Variants in SLC25A16 observed in about 807,000 individuals in gnomAD.
SLC25A16 encodes the protein solute carrier family 25 member 16.
In SLC25A16, 39 loss-of-function variants were observed where a neutral mutation model predicts 41.5. The ratio of observed to expected loss-of-function variants is 0.94; its 90% confidence interval spans 0.73 to 1.23. The LOEUF (loss-of-function observed/expected upper bound fraction) is 1.23, where lower values mean the gene tolerates loss of function less well. SLC25A16 is among the 50% of genes most tolerant of loss of function. The pLI is 0.00. For synonymous variants in SLC25A16, 146 were observed against 147.8 expected, an observed-to-expected ratio of 0.99 and a Z score of 0.09; for missense variants, 421 against 426.9, an observed-to-expected ratio of 0.99 and a Z score of 0.12.
intron 1 of SLC25A16, among the ~76,000 whole-genome samples, chr10:68,519,923 AAGAG>A (rs918499819): frequency 1.3e-5 from 2 of 152,006 alleles, no homozygotes; most frequent in Middle Eastern, 3.2e-3. Flanking sequence ...CTCAAAAAAA[AAGAG>A]AGAAATTGTT....
intron 1 of SLC25A16, chr10:68,517,152 T>C: frequency 9.7e-7 from 1 of 1,032,186 alleles, no homozygotes; most frequent in African/African-American, 1.7e-5. Flanking sequence ...TTAATCCAAC[T>C]GCCAGGTTCT....
intron 3 of SLC25A16, among the ~76,000 whole-genome samples, chr10:68,504,666 C>T (rs1043129652): frequency 4.0e-5 from 6 of 151,272 alleles, no homozygotes; most frequent in African/African-American, 1.5e-4. Flanking sequence ...GCATGAGCCA[C>T]CGCACCCGGC....
chr10:68,518,790 T>TA (rs200157704), intron 1 of SLC25A16, among the ~76,000 whole-genome samples: 38 of 135,622 alleles, frequency 2.8e-4, no homozygotes, highest in African/African-American at 1.2e-3. Context: ...ACAAATAAAA[T>TA]AAATAAATAA....
rs1195657743 is a variant in SLC25A16 at position 68,481,746 on chromosome 10, T to C, written c.*1686A>G. 1 of 152,222 alleles carries C rather than the reference T, an allele frequency of 6.6e-6. No homozygotes were observed. Among genetic ancestry groups the C allele is most frequent in the East Asian group, 1.9e-4 (1 of 5,170 alleles). The allele number at this position is 152,222 out of a possible 1,614,324, so 9.4% of individuals were successfully genotyped here. On this transcript the variant is annotated 3_prime_UTR_variant, in exon 9 of 9. Coordinates refer to ENST00000609923, the MANE Select transcript of SLC25A16 (RefSeq NM_152707.4). The stretch of plus-strand genomic sequence containing the variant: ...CTCATGTCTCAGCCTCGCGAGTAAC[T>C]GGGACTACAGGCACGAGCCACCACA...
chr10:68,494,853 CG>C (rs1167524228), intron 4 of SLC25A16, among the ~76,000 whole-genome samples: 2 of 146,772 alleles, frequency 1.4e-5, no homozygotes, highest in Non-Finnish European at 3.0e-5. Flanking sequence ...CACTCCAGCC[CG>C]GGCGACAAGA....
rs963281571 is a variant in SLC25A16, at chr10:68,527,226, T to A, written c.130+20A>T. ...CCCCGCCACTCAGAGCGCGGCTGGC[T>A]CTTCGTGGCATGGACCCACCTCCGG... On this transcript the variant is annotated intron_variant, in intron 1 of 8. Coordinates refer to ENST00000609923, the MANE Select transcript of SLC25A16 (RefSeq NM_152707.4). 6.5e-7 allele frequency: 1 copy of A among 1,544,850 alleles called. No homozygotes were observed. Among genetic ancestry groups the A allele is most frequent in the African/African-American group, 1.4e-5 (1 of 71,814 alleles).
intron 6 of SLC25A16, among the ~76,000 whole-genome samples, chr10:68,490,960 G>C (rs953757611): frequency 3.3e-5 from 5 of 151,870 alleles, no homozygotes; most frequent in Admixed American, 1.3e-4. Context: ...CATGATCACA[G>C]CTCGCTGAAG....
At chr10:68,504,054 C>G (rs1460139812) in intron 3 of SLC25A16, among the ~76,000 whole-genome samples, 3 of 124,000 alleles carry the variant, frequency 2.4e-5, no homozygotes, top group Non-Finnish European at 4.7e-5. Context: ...GAGATGAAGT[C>G]TCGCTCTGTG....
intron 1 of SLC25A16, among the ~76,000 whole-genome samples, chr10:68,525,446 G>T (rs1187713654): frequency 3.3e-5 from 5 of 151,984 alleles, no homozygotes; most frequent in African/African-American, 1.2e-4. Context: ...AATTTTTATT[G>T]TTTGTTTTTG....
At chr10:68,514,356 C>A (rs748443067) in intron 2 of SLC25A16, among the ~76,000 whole-genome samples, 1 of 151,960 alleles carries the variant, frequency 6.6e-6, no homozygotes, top group Non-Finnish European at 1.5e-5. Flanking sequence ...ATTAGCCGGG[C>A]GTGGTGGTGC....
intron 1 of SLC25A16, among the ~76,000 whole-genome samples, chr10:68,521,769 ATT>A (rs1260161819): frequency 2.7e-5 from 4 of 148,666 alleles, no homozygotes; most frequent in Non-Finnish European, 4.5e-5. Flanking sequence ...AATTTTTTGT[ATT>A]TTTTTTTAGT....
chr10:68,512,360 G>A (rs946261274), intron 2 of SLC25A16, among the ~76,000 whole-genome samples: 3 of 90,788 alleles, frequency 3.3e-5, no homozygotes, highest in African/African-American at 5.2e-5. Context: ...GATATTGGCC[G>A]GGCGCGGTGG....
chr10:68,509,132 T>A (rs1336291361), intron 2 of SLC25A16, among the ~76,000 whole-genome samples: 1 of 151,840 alleles, frequency 6.6e-6, no homozygotes, highest in Non-Finnish European at 1.5e-5. Flanking sequence ...AGGTCAGGAG[T>A]TCAAGACCAG....
At chr10:68,501,655 T>C (rs567386023) in intron 4 of SLC25A16, among the ~76,000 whole-genome samples, 1 of 148,266 alleles carries the variant, frequency 6.7e-6, no homozygotes, top group Admixed American at 6.9e-5. Flanking sequence ...GGTGCAGTAG[T>C]GTGTGCCTCT....
chr10:68,502,217 A>G (rs2052859917), intron 4 of SLC25A16, among the ~76,000 whole-genome samples: 1 of 152,094 alleles, frequency 6.6e-6, no homozygotes, highest in Non-Finnish European at 1.5e-5. Context: ...CCGTCTCAAA[A>G]AAAAAGAAAA....
intron 1 of SLC25A16, 110 bp downstream of exon 1, chr10:68,527,136 T>A (rs905066396): frequency 8.5e-7 from 1 of 1,174,382 alleles, no homozygotes; most frequent in African/African-American, 1.6e-5. Context: ...TAACAGAACA[T>A]TGAAGCAGCC....
intron 1 of SLC25A16, among the ~76,000 whole-genome samples, chr10:68,526,282 C>G (rs2053337009): frequency 6.6e-6 from 1 of 152,072 alleles, no homozygotes; most frequent in Non-Finnish European, 1.5e-5. Context: ...GGCAGCAATA[C>G]TGCTTTGTAA....
intron 2 of SLC25A16, among the ~76,000 whole-genome samples, chr10:68,513,182 T>C (rs1303481238): frequency 1.0e-5 from 1 of 98,320 alleles, no homozygotes; most frequent in African/African-American, 4.5e-5. Flanking sequence ...TACTCTCTAT[T>C]TTTTTTTTTT....
intron 8 of SLC25A16, among the ~76,000 whole-genome samples, chr10:68,484,424 CTTTT>C (rs35608830): frequency 2.4e-5 from 3 of 127,562 alleles, no homozygotes; most frequent in African/African-American, 2.9e-5. Context: ...TTTCAAAAAT[CTTTT>C]TTTTTTTTTT....
Sources: allele counts gnomAD v4.1 joint callset (sites outside exome capture counted in the v4.1 genomes callset), GRCh38; gene constraint gnomAD v4.1.1; transcripts MANE v1.5; gene names NCBI Gene and HGNC (gene_info 2026-07-23, HGNC 2026-07-21).